LIPG: variants seen among roughly 807,000 people sequenced by gnomAD.
The protein encoded by LIPG is endothelial lipase.
LIPG carries 34 observed loss-of-function variants against 51.8 expected under a neutral mutation model. That is an observed-to-expected ratio of 0.66 (90% CI 0.50 to 0.87). The LOEUF is 0.87. LIPG is among the 40% of genes least tolerant of loss of function. The probability of loss-of-function intolerance (pLI) is 0.00; values close to 1 mark genes in which losing one functional copy is unlikely to be tolerated. For synonymous variants in LIPG, 246 were observed against 246.1 expected (o/e 1.00, Z 0.00); for missense variants, 580 against 652.7 (o/e 0.89, Z 1.21).
In LIPG at chr18:49,586,794, C is replaced by T. The variant is rs552044335; in HGVS notation, c.1425C>T (p.Gly475=). ...EDPENTSISP[G]RELWFRKCRD... ...CTGAGAACACCAGCATATCCCCAGG[C>T]CGGGAGCTCTGGTTTCGCAAGTGTC... The change falls in exon 9 of 10, where the codon GGC becomes GGT. Residue 475 remains glycine, a synonymous_variant. Coordinates refer to ENST00000261292, the MANE Select transcript of LIPG (RefSeq NM_006033.4). 18 of 1,614,098 alleles carry T rather than the reference C, an allele frequency of 1.1e-5. No individual in the cohort carries two copies. In the African/African-American group the frequency reaches 2.4e-4, roughly 22 times the overall value.
rs1219282280 is a variant in LIPG at position 49,579,007 on chromosome 18, A to C, written c.794-2408A>C. Among the ~76,000 whole-genome samples, 4 of 596 alleles carry C rather than the reference A, an allele frequency of 6.7e-3. No homozygotes were observed. In the East Asian group the frequency reaches 0.11, roughly 16 times the overall value. The allele number at this position is 596 out of a possible 152,430, so 0.4% of individuals were successfully genotyped here. ...CACATGAGAGGGAGACCGTGGGGAG[A>C]GGGAGAGGGAGAGGGAGAGGGAGAG... On this transcript the variant is annotated intron_variant, in intron 5 of 9. Coordinates refer to ENST00000261292, the MANE Select transcript of LIPG (RefSeq NM_006033.4).
chr18:49,572,355 C>CA (rs552003772), intron 4 of LIPG, among the ~76,000 whole-genome samples: 7 of 151,668 alleles, frequency 4.6e-5, no homozygotes, highest in African/African-American at 1.7e-4. Context: ...AACAAACAAA[C>CA]AAAAAACACC....
chr18:49,561,866 G>C, upstream of LIPG: 1 of 1,270,228 alleles, frequency 7.9e-7, no homozygotes, highest in Non-Finnish European at 9.9e-7. Flanking sequence ...GGAGGAAGCG[G>C]GGCCGAGCGT....
rs1343418364 is a variant in LIPG at position 49,595,047 on chromosome 18, C to A, written c.*4525C>A. On this transcript the variant is annotated 3_prime_UTR_variant, in exon 10 of 10. Coordinates refer to ENST00000261292, the MANE Select transcript of LIPG (RefSeq NM_006033.4). ...TCCAAACAAGCTGAAGCCCCAGACCCCTTGGAAGGATGGATACAAAGTAGG... is the reference window on the plus strand; with the variant it reads ...TCCAAACAAGCTGAAGCCCCAGACCACTTGGAAGGATGGATACAAAGTAGG... 1 of 152,166 alleles carries A rather than the reference C, an allele frequency of 6.6e-6. No homozygotes were observed. Among genetic ancestry groups the A allele is most frequent in the African/African-American group, 2.4e-5 (1 of 41,450 alleles). The allele number at this position is 152,166 out of a possible 1,614,324, so 9.4% of individuals were successfully genotyped here.
At chr18:49,569,697 A>C in intron 4 of LIPG, 149 bp downstream of exon 4, 2 of 712,046 alleles carry the variant, frequency 2.8e-6, no homozygotes, top group African/African-American at 1.8e-5. Context: ...GTTTTTAGTC[A>C]CAAGAAACTT....
At chr18:49,578,202 C>T (rs1490176634) in intron 5 of LIPG, among the ~76,000 whole-genome samples, 171 of 147,514 alleles carry the variant, frequency 1.2e-3, no homozygotes, top group Non-Finnish European at 9.0e-4. Flanking sequence ...GGCTGCCGGG[C>T]GGAGAGGCTC....
At chr18:49,571,097 G>A (rs1445113070) in intron 4 of LIPG, among the ~76,000 whole-genome samples, 2 of 152,158 alleles carry the variant, frequency 1.3e-5, no homozygotes, top group Non-Finnish European at 2.9e-5. Context: ...TTCCAAGACT[G>A]TGGGGCTTGA....
chr18:49,587,649 T>G (rs1297775313), intron 9 of LIPG, among the ~76,000 whole-genome samples: 4 of 150,472 alleles, frequency 2.7e-5, no homozygotes, highest in African/African-American at 9.8e-5. Flanking sequence ...GTAGATAGGA[T>G]GTTGGAAGTG....
chr18:49,562,482 C>G, intron 1 of LIPG, 77 bp downstream of exon 1: 1 of 1,245,674 alleles, frequency 8.0e-7, no homozygotes, highest in Non-Finnish European at 1.2e-6. Flanking sequence ...TTCTTCAAAC[C>G]CTCCTTGTTC....
intron 5 of LIPG, among the ~76,000 whole-genome samples, chr18:49,579,778 CTTTT>C (rs2084796425): frequency 2.9e-5 from 2 of 68,276 alleles, no homozygotes; most frequent in African/African-American, 6.3e-5. Flanking sequence ...CTTTTCTTTT[CTTTT>C]CTTTTCTTTT....
At chr18:49,585,304 C>A (rs1374472909) in intron 8 of LIPG, among the ~76,000 whole-genome samples, 2 of 152,118 alleles carry the variant, frequency 1.3e-5, no homozygotes, top group African/African-American at 4.8e-5. Flanking sequence ...CTCAGGTGAT[C>A]TGCCTGCCTC....
In LIPG at chr18:49,599,099, C is replaced by A. The variant is rs1185736779; in HGVS notation, c.*8577C>A. 6.6e-6 allele frequency: 1 copy of A among 152,134 alleles called. No individual in the cohort carries two copies. The highest frequency in any genetic ancestry group is 6.5e-5 in the Admixed American group (1 of 15,268). The allele number at this position is 152,134 out of a possible 1,614,324, so 9.4% of individuals were successfully genotyped here. ...ATATGAATCCTTGTATGGACATGAA[C>A]TTTCATTTCTTTTGGGAGTAGGATA... On this transcript the variant is annotated 3_prime_UTR_variant, in exon 10 of 10. Transcript: ENST00000261292.
intron 1 of LIPG, among the ~76,000 whole-genome samples, chr18:49,564,505 A>C (rs2084582293): frequency 1.3e-5 from 2 of 152,180 alleles, no homozygotes; most frequent in African/African-American, 4.8e-5. Flanking sequence ...TGCTTTTAGG[A>C]GTTTCTCCAT....
Position 49,582,399 on chromosome 18 carries a change from C to T in LIPG, c.1074C>T (p.Tyr358=). ...AGATGAAAATCCATGTCTTCAGTTA[C>T]AAGAACATGGGAGAAATTGAGCCCA... is the stretch of plus-strand genomic sequence containing the variant. The part of the protein sequence containing the change: ...HYQMKIHVFS[Y]KNMGEIEPTF... Residue 358 remains tyrosine (Y), a synonymous_variant, in exon 7 of 10, where the codon TAC becomes TAT. Coordinates refer to ENST00000261292, the MANE Select transcript of LIPG (RefSeq NM_006033.4). 3 of 1,613,904 alleles carry T rather than the reference C, an allele frequency of 1.9e-6. No homozygotes were observed. Among genetic ancestry groups the T allele is most frequent in the Non-Finnish European group, 2.5e-6 (3 of 1,179,764 alleles).
intron 5 of LIPG, among the ~76,000 whole-genome samples, chr18:49,579,764 C>CTTTTCTTTTCTTTTCTTTTCT (rs1555778417): frequency 8.9e-6 from 1 of 112,204 alleles, no homozygotes; most frequent in African/African-American, 4.5e-5. Context: ...CTTTCCTTTC[C>CTTTTCTTTTCTTTTCTTTTCT]TTTCTTTTCT....
intron 8 of LIPG, 65 bp downstream of exon 8, chr18:49,583,839 A>G: frequency 4.9e-6 from 7 of 1,438,306 alleles, no homozygotes; most frequent in African/African-American, 1.4e-5. Flanking sequence ...TGCCTGTGAC[A>G]TTTCCTTTCC....
At chr18:49,567,315 C>A in intron 2 of LIPG, 127 bp from the exon 3 acceptor site, 1 of 910,656 alleles carries the variant, frequency 1.1e-6, no homozygotes, top group Non-Finnish European at 1.7e-6. Flanking sequence ...CCAGCCTGGG[C>A]AACAGAGTGA....
intron 7 of LIPG, among the ~76,000 whole-genome samples, chr18:49,582,842 T>C (rs751104192): frequency 2.0e-5 from 3 of 152,250 alleles, no homozygotes; most frequent in Non-Finnish European, 4.4e-5. Flanking sequence ...CCTCTCCTAA[T>C]GATGTGGCTA....
intron 2 of LIPG, 75 bp from the exon 3 acceptor site, chr18:49,567,367 A>T: frequency 6.9e-7 from 1 of 1,455,178 alleles, no homozygotes; most frequent in Non-Finnish European, 9.5e-7. Context: ...GAAGAGGGTC[A>T]TATAGAAAGG....
Sources: allele counts gnomAD v4.1 joint callset (sites outside exome capture counted in the v4.1 genomes callset), GRCh38; gene constraint gnomAD v4.1.1; transcripts MANE v1.5; gene names NCBI Gene and HGNC (gene_info 2026-07-23, HGNC 2026-07-21).